Variants in PIK3R5 observed in about 807,000 individuals in gnomAD.
PIK3R5 encodes phosphoinositide 3-kinase regulatory subunit 5.
PIK3R5 carries 32 observed loss-of-function variants against 94.9 expected under a neutral mutation model. That is an observed-to-expected ratio of 0.34 (90% CI 0.25 to 0.45). PIK3R5 has a LOEUF of 0.45. Ranked by LOEUF, PIK3R5 falls within the 20% of genes least tolerant of loss-of-function variation. The probability of loss-of-function intolerance (pLI) is 1.00; values close to 1 mark genes in which losing one functional copy is unlikely to be tolerated. For synonymous variants in PIK3R5, 443 were observed against 479.4 expected (o/e 0.92, Z 0.99); for missense variants, 853 against 1,144.6 (o/e 0.75, Z 3.68).
intron 2 of PIK3R5, among the ~76,000 whole-genome samples, chr17:8,910,921 G>GT (rs984180796): frequency 6.6e-6 from 1 of 152,104 alleles, no homozygotes; most frequent in African/African-American, 2.4e-5. Flanking sequence ...CGGACACCCT[G>GT]TTTTTTAGTC....
rs1409431509 is a variant in PIK3R5, at chr17:8,958,844, C to T, written c.-14+6752G>A. Among the ~76,000 whole-genome samples the T allele has an allele frequency of 7.2e-5, 11 of 151,894 alleles. No individual in the cohort carries two copies. In the East Asian group the frequency reaches 7.8e-4, roughly 11 times the overall value. The stretch of plus-strand genomic sequence containing the variant: ...CGCGATCTCGGCTCACCACAACCTC[C>T]GCCTCCGTGTTCAATCGATTCTCTT... On this transcript the variant is annotated intron_variant, in intron 1 of 18. Coordinates refer to ENST00000447110, the MANE Select transcript of PIK3R5 (RefSeq NM_001142633.3).
chr17:8,897,123 G>A (rs1366753873), intron 5 of PIK3R5, among the ~76,000 whole-genome samples: 1 of 152,220 alleles, frequency 6.6e-6, no homozygotes, highest in Non-Finnish European at 1.5e-5. Flanking sequence ...CTCCAGAGAG[G>A]CTGGAGGAAT....
intron 1 of PIK3R5, among the ~76,000 whole-genome samples, chr17:8,957,680 C>T (rs1383989119): frequency 6.6e-6 from 1 of 152,126 alleles, no homozygotes; most frequent in Non-Finnish European, 1.5e-5. Context: ...ACCCATGGGA[C>T]CTAGTGGCTG....
At chr17:8,963,809 T>G (rs978074000) in intron 1 of PIK3R5, among the ~76,000 whole-genome samples, 1 of 151,912 alleles carries the variant, frequency 6.6e-6, no homozygotes, top group East Asian at 1.9e-4. Flanking sequence ...AAGCTAGAGA[T>G]GAAAGGAGGG....
At chr17:8,937,140 T>A (rs950610452) in intron 1 of PIK3R5, among the ~76,000 whole-genome samples, 2 of 152,238 alleles carry the variant, frequency 1.3e-5, no homozygotes, top group Non-Finnish European at 2.9e-5. Context: ...GTTCCAGGAA[T>A]GTTGTTTTTT....
rs984296588 is a variant in PIK3R5, at chr17:8,880,088, G to C, written c.*551C>G. On this transcript the variant is annotated 3_prime_UTR_variant, in exon 19 of 19. Coordinates refer to ENST00000447110, the MANE Select transcript of PIK3R5 (RefSeq NM_001142633.3). ...TGAGAGAAATTATTGAGGTGTGTGC[G>C]TGTGTGTGTGCGCATGTGCGTACAT... is the stretch of plus-strand genomic sequence containing the variant. The C allele has an allele frequency of 6.6e-6, 1 of 152,318 alleles. No homozygotes were observed. Among genetic ancestry groups the C allele is most frequent in the Non-Finnish European group, 1.5e-5 (1 of 68,090 alleles). The allele number at this position is 152,318 out of a possible 1,614,324, so 9.4% of individuals were successfully genotyped here.
chr17:8,929,681 C>A lies in PIK3R5; in HGVS notation c.-13-18174G>T, dbSNP rs549839003. Among the ~76,000 whole-genome samples the A allele has an allele frequency of 2.3e-4, 35 of 152,264 alleles. No homozygotes were observed. The South Asian group carries it at 7.3e-3, about 32-fold the overall frequency. On this transcript the variant is annotated intron_variant, in intron 1 of 18. Coordinates refer to ENST00000447110, the MANE Select transcript of PIK3R5 (RefSeq NM_001142633.3). ...GCAGCAGCATGGATGAAGCTGGAGG[C>A]CATTATCTCAAGGAAATTAAGGCAG... is the stretch of plus-strand genomic sequence containing the variant.
At chr17:8,902,408 C>CCACG (rs959490573) in intron 5 of PIK3R5, among the ~76,000 whole-genome samples, 3 of 151,818 alleles carry the variant, frequency 2.0e-5, no homozygotes, top group African/African-American at 7.3e-5. Context: ...GTGTATGCCA[C>CCACG]CACGCCCAAA....
rs547116358 is a variant in PIK3R5, at chr17:8,945,584, ATCCACCGTAG to A, written c.-14+20002_-14+20011del. ...ACAGGAGGCAAAGCAGACATCTCAAATCCACCGTAGTCCAGAAACAACACAAAATGAGAAC... is the reference window on the plus strand; with the variant it reads ...ACAGGAGGCAAAGCAGACATCTCAAATCCAGAAACAACACAAAATGAGAAC... On this transcript the variant is annotated intron_variant, in intron 1 of 18. Coordinates refer to ENST00000447110, the MANE Select transcript of PIK3R5 (RefSeq NM_001142633.3). This position sits in a 1 kb window ranked among gnomAD's most constrained non-coding sequence, Gnocchi z 4.0. Among the ~76,000 whole-genome samples, 34 of 152,202 alleles carry A rather than the reference ATCCACCGTAG, an allele frequency of 2.2e-4. No individual in the cohort carries two copies. The highest frequency in any genetic ancestry group is 4.6e-4 in the Non-Finnish European group (31 of 68,032).
In PIK3R5 at chr17:8,882,214, G is replaced by C. The variant is rs1464249237; in HGVS notation, c.2206-333C>G. The C allele has an allele frequency of 3.1e-6, 1 of 321,588 alleles. No homozygotes were observed. The highest frequency in any genetic ancestry group is 2.1e-5 in the African/African-American group (1 of 48,080). 19.9% of individuals were successfully genotyped at this position (321,588 alleles called of 1,614,324 possible). On this transcript the variant is annotated intron_variant, in intron 15 of 18. Coordinates refer to ENST00000447110, the MANE Select transcript of PIK3R5 (RefSeq NM_001142633.3). This position sits in a 1 kb window ranked among gnomAD's most constrained non-coding sequence, Gnocchi z 4.1. ...GCCCACAGACATGCTGTTTCTGGCA[G>C]AGCCAGACCTGAACCCCCTCTTCAA...
Position 8,884,568 on chromosome 17 carries a change from TC to T in PIK3R5, c.2205+138del. ...CTTCCCTTCTCTGCTTCTCTCAGCATCCAGGGGAGCCTGCTGCAGCCTTCCA... is the reference window on the plus strand; with the variant it reads ...CTTCCCTTCTCTGCTTCTCTCAGCATCAGGGGAGCCTGCTGCAGCCTTCCA... On this transcript the variant is annotated intron_variant, in intron 15 of 18. Coordinates refer to ENST00000447110, the MANE Select transcript of PIK3R5 (RefSeq NM_001142633.3). The surrounding 1 kb of genome is among the most constrained non-coding windows in gnomAD (Gnocchi z 5.8). 1.5e-6 allele frequency: 1 copy of T among 664,986 alleles called. No individual in the cohort carries two copies. Among genetic ancestry groups the T allele is most frequent in the South Asian group, 1.7e-5 (1 of 57,304 alleles). 41.2% of individuals were successfully genotyped at this position (664,986 alleles called of 1,614,324 possible).
intron 1 of PIK3R5, among the ~76,000 whole-genome samples, chr17:8,923,504 G>A (rs920330460): frequency 1.1e-4 from 17 of 152,284 alleles, no homozygotes; most frequent in African/African-American, 4.1e-4. Context: ...GTATGCTGTA[G>A]GCAATTTAGC....
chr17:8,896,351 C>T lies in PIK3R5; in HGVS notation c.413-2696G>A, dbSNP rs2151384101. Among the ~76,000 whole-genome samples, 1 of 152,296 alleles carries T rather than the reference C, an allele frequency of 6.6e-6. No homozygotes were observed. The highest frequency in any genetic ancestry group is 2.1e-4 in the South Asian group (1 of 4,814). On this transcript the variant is annotated intron_variant, in intron 5 of 18. Transcript: ENST00000447110. The surrounding 1 kb of genome is among the most constrained non-coding windows in gnomAD (Gnocchi z 4.0). ...GGGAGCCTCAGATCCACAGACACCT[C>T]TCTCCCTTTGATCTTAGATCACACC...
intron 1 of PIK3R5, among the ~76,000 whole-genome samples, chr17:8,961,953 T>A (rs2151486691): frequency 6.6e-6 from 1 of 152,350 alleles, no homozygotes; most frequent in East Asian, 1.9e-4. Context: ...ATCCAGAACC[T>A]AGCTGCTATC....
intron 1 of PIK3R5, among the ~76,000 whole-genome samples, chr17:8,960,269 T>C (rs1042447148): frequency 6.6e-6 from 1 of 152,246 alleles, no homozygotes; most frequent in African/African-American, 2.4e-5. Flanking sequence ...ATGATTGTTA[T>C]GATTCTCTTT....
intron 1 of PIK3R5, among the ~76,000 whole-genome samples, chr17:8,960,543 G>A (rs1458412166): frequency 6.6e-6 from 1 of 152,274 alleles, no homozygotes; most frequent in Non-Finnish European, 1.5e-5. Flanking sequence ...CAGAAGTGTT[G>A]AATGAACAAG....
intron 1 of PIK3R5, among the ~76,000 whole-genome samples, chr17:8,958,066 T>A (rs187924268): frequency 1.4e-3 from 218 of 152,292 alleles, no homozygotes; most frequent in African/African-American, 4.9e-3. Context: ...ATCCCAGCAC[T>A]TTGGGAGGCC....
chr17:8,936,263 C>A (rs867930043), intron 1 of PIK3R5, among the ~76,000 whole-genome samples: 2 of 152,116 alleles, frequency 1.3e-5, no homozygotes, highest in Admixed American at 6.5e-5. Context: ...AATATTGATA[C>A]AAGAGTAGTC....
chr17:8,950,355 T>C (rs931681919), intron 1 of PIK3R5, among the ~76,000 whole-genome samples: 1 of 152,194 alleles, frequency 6.6e-6, no homozygotes, highest in Non-Finnish European at 1.5e-5. Flanking sequence ...CCAACTTTTA[T>C]GTTAGATACA....
Sources: allele counts gnomAD v4.1 joint callset (sites outside exome capture counted in the v4.1 genomes callset), GRCh38; gene constraint gnomAD v4.1.1; non-coding constraint Gnocchi (gnomAD v3.1); transcripts MANE v1.5; gene names NCBI Gene and HGNC (gene_info 2026-07-23, HGNC 2026-07-21).